Variants in SHANK2 observed in about 807,000 individuals in gnomAD.
The protein encoded by SHANK2 is SH3 and multiple ankyrin repeat domains protein 2.
A neutral mutation model predicts 133.7 loss-of-function variants in SHANK2; 43 were observed. The observed-to-expected ratio is 0.32, with a 90% CI of 0.25 to 0.41. The LOEUF (loss-of-function observed/expected upper bound fraction) is 0.41, where lower values mean the gene tolerates loss of function less well. Ranked by LOEUF, SHANK2 falls within the 10% of genes least tolerant of loss-of-function variation. SHANK2 has a pLI of 1.00. For synonymous variants in SHANK2, 1,017 were observed against 952.8 expected, an observed-to-expected ratio of 1.07 and a Z score of -1.24; for missense variants, 1,994 against 2,235.8, an observed-to-expected ratio of 0.89 and a Z score of 2.18.
intron 17 of SHANK2, among the ~76,000 whole-genome samples, chr11:70,600,680 T>C (rs770002234): frequency 2.6e-5 from 4 of 152,064 alleles, no homozygotes; most frequent in Non-Finnish European, 5.9e-5. Context: ...GCACGGAAGA[T>C]CTTGGAGAAA....
Position 70,859,100 on chromosome 11 carries a change from G to C in SHANK2, c.1174+37401C>G, listed in dbSNP as rs185165286. Reference sequence around the variant, plus strand: ...GAGAGGTGAGTGGATAAACAGAATGGTGGGTGGGTGAGTAGATAAATGGAT... The same window carrying C: ...GAGAGGTGAGTGGATAAACAGAATGCTGGGTGGGTGAGTAGATAAATGGAT... On this transcript the variant is annotated intron_variant, in intron 11 of 25. Transcript: ENST00000601538. Among the ~76,000 whole-genome samples the C allele has an allele frequency of 2.0e-5, 3 of 152,292 alleles. No individual in the cohort carries two copies. The East Asian group carries it at 5.8e-4, about 29-fold the overall frequency.
At chr11:71,111,063 C>G (rs370363514) in intron 5 of SHANK2, among the ~76,000 whole-genome samples, 1 of 152,262 alleles carries the variant, frequency 6.6e-6, no homozygotes, top group Non-Finnish European at 1.5e-5. Context: ...GCCGATGCCA[C>G]GATCTCAGAC....
At chr11:70,618,519 G>A (rs1554996768) in intron 17 of SHANK2, among the ~76,000 whole-genome samples, 1 of 152,166 alleles carries the variant, frequency 6.6e-6, no homozygotes, top group Non-Finnish European at 1.5e-5. Flanking sequence ...CCCTGGCTCT[G>A]CCCACAGCCA....
At chr11:70,808,885 C>A (rs940257149) in intron 12 of SHANK2, among the ~76,000 whole-genome samples, 1 of 152,182 alleles carries the variant, frequency 6.6e-6, no homozygotes, top group Non-Finnish European at 1.5e-5. Flanking sequence ...AAATGGGTCA[C>A]GACCTCGGTT....
intron 14 of SHANK2, chr11:70,705,115 CT>C (rs1471105261): frequency 1.3e-5 from 2 of 152,272 alleles, no homozygotes; most frequent in East Asian, 3.9e-4. Flanking sequence ...GAGAAAGAAA[CT>C]TTTGTTGTTC....
At chr11:70,693,188 G>A (rs1945325936) in intron 15 of SHANK2, among the ~76,000 whole-genome samples, 1 of 152,104 alleles carries the variant, frequency 6.6e-6, no homozygotes, top group Non-Finnish European at 1.5e-5. Context: ...GCTCCTCACT[G>A]GTTTCCATCC....
rs1020673071 is a variant in SHANK2, at chr11:70,887,112, A to C, written c.1174+9389T>G. Among the ~76,000 whole-genome samples the C allele has an allele frequency of 3.3e-5, 5 of 152,140 alleles. No homozygotes were observed. The East Asian group carries it at 9.7e-4, about 29-fold the overall frequency. On this transcript the variant is annotated intron_variant, in intron 11 of 25. Coordinates refer to ENST00000601538, the MANE Select transcript of SHANK2 (RefSeq NM_012309.5). ...AAGCTTATCAGCTGGCAACATGCTT[A>C]ATGTGTGCACGACTGTTTCAGATGC... is the stretch of plus-strand genomic sequence containing the variant.
chr11:70,637,738 C>T (rs547762961), intron 17 of SHANK2, among the ~76,000 whole-genome samples: 2 of 152,376 alleles, frequency 1.3e-5, no homozygotes, highest in African/African-American at 4.8e-5. Flanking sequence ...TCCTGGCAGT[C>T]TTGCAAAACA....
intron 7 of SHANK2, 137 bp downstream of exon 7, chr11:71,094,400 C>T: frequency 3.9e-6 from 3 of 765,286 alleles, no homozygotes; most frequent in South Asian, 4.9e-5. Flanking sequence ...CCAGCCGGAA[C>T]ACTGTGCACG....
At chr11:70,751,481 T>C (rs551232070) in intron 14 of SHANK2, among the ~76,000 whole-genome samples, 1 of 152,302 alleles carries the variant, frequency 6.6e-6, no homozygotes, top group East Asian at 1.9e-4. Flanking sequence ...CCAAGAACAT[T>C]TGTGGCCAGC....
chr11:71,237,292 G>A (rs1954836859), intron 1 of SHANK2, among the ~76,000 whole-genome samples: 1 of 152,202 alleles, frequency 6.6e-6, no homozygotes, highest in South Asian at 2.1e-4. Context: ...ATCAGGGTTG[G>A]CAAGCGACTG....
At chr11:70,768,358 G>GA (rs1305570792) in intron 14 of SHANK2, among the ~76,000 whole-genome samples, 4 of 152,244 alleles carry the variant, frequency 2.6e-5, no homozygotes, top group Non-Finnish European at 4.4e-5. Flanking sequence ...AGATAGGCAA[G>GA]AATAGAGCTC....
intron 2 of SHANK2, among the ~76,000 whole-genome samples, chr11:71,212,951 C>T (rs1162569873): frequency 6.7e-6 from 1 of 150,344 alleles, no homozygotes; most frequent in Non-Finnish European, 1.5e-5. Context: ...GAGCAGGGAC[C>T]CCAGGCGGAG....
chr11:71,234,001 C>T (rs1453270064), intron 1 of SHANK2, among the ~76,000 whole-genome samples: 3 of 151,404 alleles, frequency 2.0e-5, no homozygotes, highest in Admixed American at 6.6e-5. Context: ...GAACCAAGAT[C>T]ATGCCACTGT....
At chr11:70,693,241 G>A (rs1434864862) in intron 15 of SHANK2, among the ~76,000 whole-genome samples, 2 of 152,194 alleles carry the variant, frequency 1.3e-5, no homozygotes, top group Non-Finnish European at 2.9e-5. Flanking sequence ...TTCAGATGAT[G>A]TCTCTTCTGC....
intron 14 of SHANK2, among the ~76,000 whole-genome samples, chr11:70,747,610 G>C (rs1555036511): frequency 6.6e-6 from 1 of 152,102 alleles, no homozygotes; most frequent in Admixed American, 6.5e-5. Flanking sequence ...TGTTTGGGTG[G>C]GGCTGACCTG....
intron 17 of SHANK2, among the ~76,000 whole-genome samples, chr11:70,552,170 T>C (rs187916378): frequency 6.6e-6 from 1 of 152,010 alleles, no homozygotes; most frequent in East Asian, 1.9e-4. Context: ...ATAATATGAG[T>C]AGGTGAGGTG....
chr11:71,138,629 C>T (rs1952493115), intron 3 of SHANK2, among the ~76,000 whole-genome samples: 2 of 150,680 alleles, frequency 1.3e-5, no homozygotes, highest in African/African-American at 4.9e-5. Context: ...CCTCTCTGGA[C>T]AATATAGTGA....
intron 15 of SHANK2, among the ~76,000 whole-genome samples, chr11:70,664,907 GAAC>G (rs782555157): frequency 5.3e-5 from 8 of 152,184 alleles, no homozygotes; most frequent in Admixed American, 2.0e-4. Flanking sequence ...TGCAAAATGA[GAAC>G]AACAAGATGC....
Sources: allele counts gnomAD v4.1 joint callset (sites outside exome capture counted in the v4.1 genomes callset), GRCh38; gene constraint gnomAD v4.1.1; transcripts MANE v1.5; gene names NCBI Gene and HGNC (gene_info 2026-07-23, HGNC 2026-07-21).